ROBO2: variants seen among roughly 807,000 people sequenced by gnomAD.
The protein encoded by ROBO2 is roundabout homolog 2.
Under a neutral mutation model 160.8 loss-of-function variants are expected in ROBO2, and 53 were observed. The ratio of observed to expected loss-of-function variants is 0.33; its 90% CI spans 0.26 to 0.41. The LOEUF (loss-of-function observed/expected upper bound fraction) is 0.41, where lower values mean the gene tolerates loss of function less well. Among genes scored for constraint, ROBO2 ranks in the 10% least tolerant of loss-of-function variants. The probability of loss-of-function intolerance (pLI) is 1.00; values close to 1 mark genes in which losing one functional copy is unlikely to be tolerated. For synonymous variants in ROBO2, 664 were observed against 611.7 expected (o/e 1.09, Z -1.26); for missense variants, 1,577 against 1,722.4 (o/e 0.92, Z 1.49).
At chr3:76,867,247 G>T (rs565222396) in intron 2 of ROBO2, among the ~76,000 whole-genome samples, 2 of 151,966 alleles carry the variant, frequency 1.3e-5, no homozygotes, top group Non-Finnish European at 2.9e-5. Context: ...CTTGTCATTC[G>T]GGCTGTCATA....
intron 2 of ROBO2, among the ~76,000 whole-genome samples, chr3:76,787,203 G>A (rs761767230): frequency 2.0e-4 from 30 of 151,202 alleles, no homozygotes; most frequent in Non-Finnish European, 4.3e-4. Flanking sequence ...GGGACACAGA[G>A]CCAAACCATA....
intron 2 of ROBO2, among the ~76,000 whole-genome samples, chr3:76,261,872 A>G (rs1243447647): frequency 6.6e-6 from 1 of 152,186 alleles, no homozygotes; most frequent in Admixed American, 6.6e-5. Flanking sequence ...ATTGGTGAAG[A>G]AAATGATATG....
At chr3:76,372,124 C>A (rs975794223) in intron 2 of ROBO2, among the ~76,000 whole-genome samples, 1 of 151,694 alleles carries the variant, frequency 6.6e-6, no homozygotes, top group African/African-American at 2.4e-5. Context: ...TGTACAAATA[C>A]AATAAAATTG....
rs2083335567 is a variant in ROBO2, at chr3:76,550,237, T to C, written c.110-547777T>C. Reference sequence around the variant, plus strand: ...TGCTAACTCGCATTCCTGTGTCACATGTTTAATATACATAATTTAAGAATT... The same window carrying C: ...TGCTAACTCGCATTCCTGTGTCACACGTTTAATATACATAATTTAAGAATT... On this transcript the variant is annotated intron_variant, in intron 2 of 26. Coordinates refer to the ROBO2 transcript ENST00000487694. Among the ~76,000 whole-genome samples the C allele has an allele frequency of 2.0e-5, 3 of 152,164 alleles. 1 individual carries two copies. The South Asian group carries it at 6.2e-4, about 32-fold the overall frequency.
At chr3:77,520,949 T>A (rs1414061359) in intron 5 of ROBO2, among the ~76,000 whole-genome samples, 2 of 151,276 alleles carry the variant, frequency 1.3e-5, no homozygotes, top group African/African-American at 4.8e-5. Flanking sequence ...TAAACTATAC[T>A]CAGGTAAAGT....
intron 2 of ROBO2, among the ~76,000 whole-genome samples, chr3:77,310,686 T>G (rs1486130527): frequency 1.3e-5 from 2 of 152,124 alleles, no homozygotes; most frequent in Non-Finnish European, 2.9e-5. Flanking sequence ...TCTCTTAAGA[T>G]TCAAGCCTTT....
intron 2 of ROBO2, among the ~76,000 whole-genome samples, chr3:77,129,323 A>G (rs547647930): frequency 2.0e-5 from 3 of 152,298 alleles, no homozygotes; most frequent in South Asian, 4.1e-4. Context: ...GTGGTTTTGG[A>G]CCATGAATTT....
chr3:76,125,829 TTTA>T (rs1252760249), intron 2 of ROBO2, among the ~76,000 whole-genome samples: 1 of 152,070 alleles, frequency 6.6e-6, no homozygotes, highest in Non-Finnish European at 1.5e-5. Context: ...TTATTTTCTA[TTTA>T]TTATTATTAT....
intron 2 of ROBO2, among the ~76,000 whole-genome samples, chr3:76,653,236 G>A (rs1015716335): frequency 4.0e-5 from 6 of 151,710 alleles, no homozygotes; most frequent in African/African-American, 1.5e-4. Context: ...TTCTTTTTGA[G>A]TAATACTGTC....
At chr3:75,915,285 T>A (rs1373315984) in intron 1 of ROBO2, among the ~76,000 whole-genome samples, 3 of 152,174 alleles carry the variant, frequency 2.0e-5, no homozygotes, top group African/African-American at 7.2e-5. Flanking sequence ...AATCAAAGAC[T>A]AACTCATTCA....
At chr3:76,683,106 T>G (rs2106975519) in intron 2 of ROBO2, among the ~76,000 whole-genome samples, 1 of 152,236 alleles carries the variant, frequency 6.6e-6, no homozygotes, top group East Asian at 1.9e-4. Flanking sequence ...AGGTTAGGTC[T>G]CATGTATTTT....
chr3:76,055,755 T>TTTTA (rs1460240922), intron 2 of ROBO2, among the ~76,000 whole-genome samples: 3 of 152,176 alleles, frequency 2.0e-5, no homozygotes, highest in African/African-American at 4.8e-5. Flanking sequence ...CCAGCTTTTA[T>TTTTA]TTTATTTATT....
intron 2 of ROBO2, among the ~76,000 whole-genome samples, chr3:75,957,788 A>G (rs1226479062): frequency 6.6e-6 from 1 of 151,420 alleles, no homozygotes; most frequent in African/African-American, 2.4e-5. Flanking sequence ...ACAACTCCCC[A>G]TTCCAGATCA....
At chr3:76,524,826 TAAA>T (rs58091252) in intron 2 of ROBO2, among the ~76,000 whole-genome samples, 63 of 21,672 alleles carry the variant, frequency 2.9e-3, no homozygotes, top group East Asian at 5.2e-3. Flanking sequence ...CTCTTATTCC[TAAA>T]AAAAAAAAAA....
intron 2 of ROBO2, among the ~76,000 whole-genome samples, chr3:76,424,956 A>G (rs2076150062): frequency 6.6e-6 from 1 of 152,080 alleles, no homozygotes; most frequent in Non-Finnish European, 1.5e-5. Flanking sequence ...CTTTTTGGAA[A>G]TCTCATCTTC....
At chr3:77,098,834 C>T (rs993027516) in intron 2 of ROBO2, among the ~76,000 whole-genome samples, 31 of 151,406 alleles carry the variant, frequency 2.0e-4, no homozygotes, top group African/African-American at 6.6e-4. Flanking sequence ...CCAGCCTGGG[C>T]GACAGAGCGA....
At chr3:77,589,385 G>A (rs1400890874) in intron 17 of ROBO2, among the ~76,000 whole-genome samples, 1 of 152,050 alleles carries the variant, frequency 6.6e-6, no homozygotes, top group Admixed American at 6.6e-5. Context: ...AATAGGAAAT[G>A]TCCCTCGTGA....
At chr3:77,321,857 A>G (rs1216555826) in intron 2 of ROBO2, among the ~76,000 whole-genome samples, 1 of 152,170 alleles carries the variant, frequency 6.6e-6, no homozygotes, top group Non-Finnish European at 1.5e-5. Flanking sequence ...CCAAGGACAA[A>G]GTGGCCCTTT....
chr3:77,562,295 G>T (rs1301766840), intron 9 of ROBO2, among the ~76,000 whole-genome samples: 1 of 152,004 alleles, frequency 6.6e-6, no homozygotes, highest in Non-Finnish European at 1.5e-5. Context: ...AAAGAGTTCT[G>T]TTCTGAGTCA....
Sources: allele counts gnomAD v4.1 joint callset (sites outside exome capture counted in the v4.1 genomes callset), GRCh38; gene constraint gnomAD v4.1.1; transcripts MANE v1.5; gene names NCBI Gene and HGNC (gene_info 2026-07-23, HGNC 2026-07-21).